PCCA: variants seen among roughly 807,000 people sequenced by gnomAD.
PCCA encodes the protein propionyl-CoA carboxylase alpha chain, mitochondrial.
PCCA carries 74 observed loss-of-function variants against 101.3 expected under a neutral mutation model. The ratio of observed to expected loss-of-function variants is 0.73; its 90% confidence interval spans 0.61 to 0.89. PCCA has a LOEUF of 0.89. PCCA is among the 40% of genes least tolerant of loss of function. The probability of loss-of-function intolerance (pLI) is 0.00; values close to 1 mark genes in which losing one functional copy is unlikely to be tolerated. For missense variants in PCCA, 891 were observed against 907.0 expected (o/e 0.98, Z 0.23); for synonymous variants, 294 against 313.6 (o/e 0.94, Z 0.66).
At chr13:100,490,434 T>C (rs1225700755) in intron 21 of PCCA, 2 of 152,204 alleles carry the variant, frequency 1.3e-5, no homozygotes, top group African/African-American at 2.4e-5. Context: ...CCTCACACTT[T>C]GGAGGGAGCT....
At chr13:100,243,595 T>C (rs2061276614) in intron 8 of PCCA, among the ~76,000 whole-genome samples, 1 of 152,240 alleles carries the variant, frequency 6.6e-6, no homozygotes, top group African/African-American at 2.4e-5. Context: ...TGTCCTTGTG[T>C]TCATTAGGCT....
At chr13:100,234,508 G>A (rs1252203209) in intron 7 of PCCA, among the ~76,000 whole-genome samples, 2 of 151,336 alleles carry the variant, frequency 1.3e-5, no homozygotes, top group Non-Finnish European at 2.9e-5. Context: ...AACTGATGTC[G>A]CTTTCAGGAC....
chr13:100,349,094 C>T (rs190621652), intron 18 of PCCA, among the ~76,000 whole-genome samples: 1 of 151,862 alleles, frequency 6.6e-6, no homozygotes, highest in African/African-American at 2.4e-5. Context: ...AGGCATGCAC[C>T]GCCAGGCCCG....
At chr13:100,458,322 CACACACACACACACACACACACA>C in intron 21 of PCCA, among the ~76,000 whole-genome samples, 1 of 124,476 alleles carries the variant, frequency 8.0e-6, no homozygotes, top group East Asian at 2.4e-4. Flanking sequence ...CACACACACA[CACACACACACACACACACACACA>C]GTGGGACCCC....
chr13:100,519,297 T>A (rs1432762951), intron 22 of PCCA, among the ~76,000 whole-genome samples: 1 of 152,254 alleles, frequency 6.6e-6, no homozygotes, highest in Non-Finnish European at 1.5e-5. Flanking sequence ...TGAAATTAAG[T>A]ACCTGTTGCT....
At chr13:100,458,851 C>CAA (rs1206495156) in intron 21 of PCCA, among the ~76,000 whole-genome samples, 1 of 152,148 alleles carries the variant, frequency 6.6e-6, no homozygotes, top group Admixed American at 6.5e-5. Flanking sequence ...CTGCCACTCC[C>CAA]AAACAGTAAT....
chr13:100,233,365 T>C (rs778435640), intron 7 of PCCA, among the ~76,000 whole-genome samples: 7 of 152,228 alleles, frequency 4.6e-5, no homozygotes, highest in Non-Finnish European at 4.4e-5. Context: ...AGCACAGATA[T>C]TGTGCTTCTG....
At chr13:100,152,440 AT>A (rs2053446027) in intron 4 of PCCA, among the ~76,000 whole-genome samples, 1 of 146,770 alleles carries the variant, frequency 6.8e-6, no homozygotes, top group African/African-American at 2.5e-5. Context: ...TGATAGGTTT[AT>A]TTTATTTATT....
intron 23 of PCCA, among the ~76,000 whole-genome samples, chr13:100,528,442 G>A (rs540528114): frequency 1.6e-4 from 25 of 152,244 alleles, no homozygotes; most frequent in Non-Finnish European, 2.5e-4. Context: ...AAGGCTGGCC[G>A]TGTTCTGCAT....
intron 19 of PCCA, among the ~76,000 whole-genome samples, chr13:100,377,878 T>C (rs2076016909): frequency 6.7e-6 from 1 of 148,156 alleles, no homozygotes; most frequent in Non-Finnish European, 1.5e-5. Context: ...TCCTGTCATA[T>C]CATTAATTGC....
Position 100,516,762 on chromosome 13 carries a change from A to AGTG in PCCA, c.2040+1195_2040+1196insGTG, listed in dbSNP as rs1382893777. Among the ~76,000 whole-genome samples, 867 of 109,236 alleles carry AGTG rather than the reference A, an allele frequency of 7.9e-3. 7 individuals carry two copies. Among genetic ancestry groups the AGTG allele is most frequent in the African/African-American group, 0.029 (799 of 27,522 alleles). 71.7% of individuals were successfully genotyped at this position (109,236 alleles called of 152,430 possible). The stretch of plus-strand genomic sequence containing the variant: ...GTGTGTGTGTGTGTGTGTGTGTGTA[A>AGTG]TGTGTGTAAAATTCAGGGGAGGACA... On this transcript the variant is annotated intron_variant, in intron 22 of 23. Transcript: ENST00000376285.
intron 9 of PCCA, among the ~76,000 whole-genome samples, chr13:100,260,879 A>T (rs944539463): frequency 6.6e-6 from 1 of 152,080 alleles, no homozygotes; most frequent in South Asian, 2.1e-4. Flanking sequence ...TTTTGAGATG[A>T]AAAACCATCC....
At chr13:100,224,136 G>GC (rs1451487906) in intron 7 of PCCA, among the ~76,000 whole-genome samples, 1 of 152,234 alleles carries the variant, frequency 6.6e-6, no homozygotes, top group African/African-American at 2.4e-5. Flanking sequence ...CCCCACAGGA[G>GC]CCCAGGGAGG....
chr13:100,433,198 G>A (rs7322344), intron 20 of PCCA, among the ~76,000 whole-genome samples: 317 of 152,296 alleles, frequency 2.1e-3, no homozygotes, highest in African/African-American at 7.4e-3. Context: ...TTAATTTTTT[G>A]AGGAACCTCC....
intron 21 of PCCA, among the ~76,000 whole-genome samples, chr13:100,499,116 C>T (rs2085486536): frequency 6.6e-6 from 1 of 152,198 alleles, no homozygotes; most frequent in South Asian, 2.1e-4. Flanking sequence ...TGGGCGTGTG[C>T]AGTCAACACA....
At chr13:100,178,199 T>C (rs1225312051) in intron 6 of PCCA, among the ~76,000 whole-genome samples, 1 of 152,254 alleles carries the variant, frequency 6.6e-6, no homozygotes, top group African/African-American at 2.4e-5. Context: ...GTTATTTCGA[T>C]GTTGGGTAGA....
At chr13:100,418,814 A>G (rs1264568898) in intron 19 of PCCA, among the ~76,000 whole-genome samples, 2 of 149,338 alleles carry the variant, frequency 1.3e-5, no homozygotes, top group Admixed American at 6.7e-5. Context: ...AGCCTGGGCA[A>G]GAGAGTGAGA....
At chr13:100,530,036 G>A (rs1225337551) in intron 23 of PCCA, 62 bp from the exon 24 acceptor site, 63 of 1,276,870 alleles carry the variant, frequency 4.9e-5, no homozygotes, top group Non-Finnish European at 5.9e-5. Context: ...GGAGCCTGCC[G>A]CCTCTTGGTT....
chr13:100,312,249 T>C (rs575646321), intron 16 of PCCA, among the ~76,000 whole-genome samples: 7 of 152,314 alleles, frequency 4.6e-5, no homozygotes, highest in African/African-American at 1.7e-4. Flanking sequence ...AATAGGGGAT[T>C]GAAAAAGGGT....
Sources: allele counts gnomAD v4.1 joint callset (sites outside exome capture counted in the v4.1 genomes callset), GRCh38; gene constraint gnomAD v4.1.1; transcripts MANE v1.5; gene names NCBI Gene and HGNC (gene_info 2026-07-23, HGNC 2026-07-21).